The following WDPCP variants were observed in gnomAD, a reference collection of about 807,000 sequenced individuals.
The protein encoded by WDPCP is WD repeat containing planar cell polarity effector.
Under a neutral mutation model 93.1 loss-of-function variants are expected in WDPCP, and 71 were observed. That is an observed-to-expected ratio of 0.76 (90% CI 0.63 to 0.93). The LOEUF is 0.93. WDPCP is among the 40% of genes least tolerant of loss of function. WDPCP has a pLI of 0.00. For missense variants in WDPCP, 844 were observed against 887.4 expected, an observed-to-expected ratio of 0.95 and a Z score of 0.62; for synonymous variants, 315 against 315.0, an observed-to-expected ratio of 1.00 and a Z score of 0.00.
At chr2:63,697,581 G>A (rs1371999119) in intron 2 of WDPCP, among the ~76,000 whole-genome samples, 2 of 152,118 alleles carry the variant, frequency 1.3e-5, no homozygotes, top group Non-Finnish European at 2.9e-5. Context: ...CTGAGAAGTT[G>A]CATTTAAGTG....
At chr2:63,342,709 A>G (rs536390645) in intron 12 of WDPCP, among the ~76,000 whole-genome samples, 1 of 152,214 alleles carries the variant, frequency 6.6e-6, no homozygotes, top group African/African-American at 2.4e-5. Context: ...CCCCATTTAC[A>G]TAGGTTTTAA....
At position 63,505,003 on chromosome 2, in the gene WDPCP, G is replaced by A. The variant is rs149824428; in HGVS notation, c.76-12063C>T. On this transcript the variant is annotated intron_variant, in intron 1 of 17. Transcript: ENST00000272321. ...TAAGGTCTTCCTGTTAAGTTATTGT[G>A]TTACATCACAGAAGCTTTATTTCTA... Among the ~76,000 whole-genome samples, 1,007 of 152,078 alleles carry A rather than the reference G, an allele frequency of 6.6e-3. 8 individuals carry two copies. The highest frequency in any genetic ancestry group is 0.011 in the Non-Finnish European group (760 of 67,918).
intron 3 of WDPCP, among the ~76,000 whole-genome samples, chr2:63,630,544 T>C (rs553834207): frequency 1.3e-5 from 2 of 151,856 alleles, no homozygotes; most frequent in Admixed American, 6.6e-5. Flanking sequence ...TTTAATGTAA[T>C]GATAAAATGA....
intron 14 of WDPCP, among the ~76,000 whole-genome samples, chr2:63,208,741 C>T (rs777720244): frequency 6.6e-6 from 1 of 152,156 alleles, no homozygotes; most frequent in African/African-American, 2.4e-5. Flanking sequence ...AGTCCCCCTA[C>T]CTTCCGTGTG....
intron 2 of WDPCP, among the ~76,000 whole-genome samples, chr2:63,806,211 C>T (rs981993787): frequency 6.6e-6 from 1 of 152,120 alleles, no homozygotes; most frequent in Non-Finnish European, 1.5e-5. Flanking sequence ...AAGCGTCGGC[C>T]AGCTTGAGAA....
chr2:63,292,924 C>T (rs1317313074), intron 13 of WDPCP, among the ~76,000 whole-genome samples: 1 of 152,152 alleles, frequency 6.6e-6, no homozygotes, highest in African/African-American at 2.4e-5. Flanking sequence ...ACACATCCAC[C>T]ACCCCAGCTG....
In WDPCP at chr2:63,722,529, C is replaced by G. The variant is rs546250458; in HGVS notation, n.309-71691G>C. Among the ~76,000 whole-genome samples the G allele has an allele frequency of 5.6e-3, 781 of 140,460 alleles. 62 individuals carry two copies. Among genetic ancestry groups the G allele is most frequent in the Non-Finnish European group, 5.3e-3 (329 of 62,356 alleles). The allele number at this position is 140,460 out of a possible 152,430, so 92.1% of individuals were successfully genotyped here. ...TCTGGGAAGTGAGGAGCGTCTCCGC[C>G]CGGCCAGCCGCCCCATCCGGGAGGG... On this transcript the variant is annotated intron_variant and non_coding_transcript_variant, in intron 2 of 4. Transcript: ENST00000467687.
At chr2:63,180,219 A>T (rs1674135721) in intron 14 of WDPCP, among the ~76,000 whole-genome samples, 1 of 152,126 alleles carries the variant, frequency 6.6e-6, no homozygotes, top group African/African-American at 2.4e-5. Context: ...GTATGCATTT[A>T]AGGGGTACAA....
chr2:63,449,031 G>A (rs1425490479), intron 6 of WDPCP, among the ~76,000 whole-genome samples: 2 of 152,066 alleles, frequency 1.3e-5, no homozygotes, highest in African/African-American at 4.8e-5. Context: ...AAAAAAAATG[G>A]TATGTGAGAT....
At chr2:63,503,579 C>T (rs1701690226) in intron 1 of WDPCP, among the ~76,000 whole-genome samples, 1 of 152,066 alleles carries the variant, frequency 6.6e-6, no homozygotes, top group South Asian at 2.1e-4. Context: ...AAAATATGAA[C>T]TTCATTCTTT....
intron 3 of WDPCP, among the ~76,000 whole-genome samples, chr2:63,626,855 T>A (rs1386218945): frequency 2.0e-5 from 3 of 151,840 alleles, no homozygotes; most frequent in Non-Finnish European, 4.4e-5. Flanking sequence ...GGGATACCAT[T>A]AGGAAAAATA....
At chr2:63,185,495 T>C (rs1158627820) in intron 14 of WDPCP, among the ~76,000 whole-genome samples, 1 of 152,018 alleles carries the variant, frequency 6.6e-6, no homozygotes, top group African/African-American at 2.4e-5. Context: ...GCAAAGACTA[T>C]GTATGAATTC....
chr2:63,839,709 CT>C, the WDPCP span, among the ~76,000 whole-genome samples: 1 of 152,194 alleles, frequency 6.6e-6, no homozygotes, highest in Non-Finnish European at 1.5e-5. Flanking sequence ...TTTTTCAGTG[CT>C]GGAACAATTT....
chr2:63,615,614 T>C (rs1205417666), intron 3 of WDPCP, among the ~76,000 whole-genome samples: 1 of 152,214 alleles, frequency 6.6e-6, no homozygotes, highest in Non-Finnish European at 1.5e-5. Flanking sequence ...GCAACACTTT[T>C]GGGGACCCCA....
At position 63,758,837 on chromosome 2, in the gene WDPCP, T is replaced by G. The variant is rs183072344; in HGVS notation, n.308+54785A>C. Among the ~76,000 whole-genome samples, 626 of 151,996 alleles carry G rather than the reference T, an allele frequency of 4.1e-3. 3 individuals are homozygous for G. The highest frequency in any genetic ancestry group is 0.014 in the African/African-American group (586 of 41,474). ...TTGTTGCCCAGGCTGGAGTGCAGTG[T>G]CCCAGTCTCAGCTCACTGCAACCTC... On this transcript the variant is annotated intron_variant and non_coding_transcript_variant, in intron 2 of 4. Transcript: ENST00000467687.
At chr2:63,296,797 C>T (rs1559294419) in intron 13 of WDPCP, among the ~76,000 whole-genome samples, 1 of 151,606 alleles carries the variant, frequency 6.6e-6, no homozygotes, top group African/African-American at 2.4e-5. Flanking sequence ...ACAGATGATA[C>T]AAAAAAAATG....
intron 2 of WDPCP, among the ~76,000 whole-genome samples, chr2:63,720,289 C>A (rs928909746): frequency 7.3e-5 from 11 of 151,690 alleles, no homozygotes; most frequent in Non-Finnish European, 1.0e-4. Context: ...TGGCGGTGTG[C>A]GCCTGTAGTC....
intron 12 of WDPCP, among the ~76,000 whole-genome samples, chr2:63,321,658 G>C (rs1483923744): frequency 6.6e-6 from 1 of 152,088 alleles, no homozygotes; most frequent in Non-Finnish European, 1.5e-5. Flanking sequence ...GCATTGTAGA[G>C]TGACTTTCTT....
chr2:63,583,157 T>C (rs911450599), intron 1 of WDPCP, among the ~76,000 whole-genome samples: 8 of 152,160 alleles, frequency 5.3e-5, no homozygotes, highest in Non-Finnish European at 8.8e-5. Context: ...CAGGTTTTTA[T>C]ACATGAAATG....
Sources: gnomAD v4.1 joint callset for allele counts (sites outside exome capture counted in the v4.1 genomes callset) on GRCh38, gnomAD v4.1.1 for gene constraint, MANE v1.5 for transcripts, NCBI Gene and HGNC (gene_info 2026-07-23, HGNC 2026-07-21) for gene names.